Variants in CACNG1 observed in about 807,000 individuals in gnomAD.
The protein encoded by CACNG1 is calcium voltage-gated channel auxiliary subunit gamma 1, also known as voltage-dependent calcium channel gamma-1 subunit.
A neutral mutation model predicts 22.0 loss-of-function variants in CACNG1; 21 were observed. The ratio of observed to expected loss-of-function variants is 0.95; its 90% CI spans 0.68 to 1.37. The LOEUF is 1.37. CACNG1 is among the 40% of genes most tolerant of loss of function. CACNG1 has a pLI of 0.00. For missense variants in CACNG1, 291 were observed against 308.6 expected, an observed-to-expected ratio of 0.94 and a Z score of 0.43; for synonymous variants, 127 against 129.2, an observed-to-expected ratio of 0.98 and a Z score of 0.12.
chr17:67,044,677 T>C lies in CACNG1; in HGVS notation c.17T>C (p.Met6Thr). ...GCGACCACCATGTCCCAGACCAAAA[T>C]GCTGAAGGTCCGCGTGACCCTCTTC... MSQTK[M>T]LKVRVTLFCI... The change falls in exon 1 of 4, where the codon ATG (methionine) becomes ACG (threonine). Residue 6 changes from methionine to threonine, a missense_variant. Physicochemically the swap from Met to Thr is moderately conservative, Grantham distance 81. Coordinates refer to ENST00000226021, the MANE Select transcript of CACNG1 (RefSeq NM_000727.4). This position sits in a 1 kb window ranked among gnomAD's most constrained non-coding sequence, Gnocchi z 6.9. 9 of 1,607,066 alleles carry C rather than the reference T, an allele frequency of 5.6e-6. No individual in the cohort carries two copies. The highest frequency in any genetic ancestry group is 6.8e-6 in the Non-Finnish European group (8 of 1,179,818).
chr17:67,052,169 G>T (rs754257463), intron 1 of CACNG1, among the ~76,000 whole-genome samples: 8 of 152,198 alleles, frequency 5.3e-5, no homozygotes, highest in Non-Finnish European at 7.3e-5. Context: ...AGCACCGGAT[G>T]CCCAGAGAGA....
Position 67,055,331 on chromosome 17 carries a change from G to C in CACNG1, c.442+91G>C. On this transcript the variant is annotated intron_variant, in intron 3 of 3. Transcript: ENST00000226021. The surrounding 1 kb of genome is among the most constrained non-coding windows in gnomAD (Gnocchi z 4.5). ...ACCCTCATGCCCACCGCGAGATTTGGGTGAGGGGCATTTCCCAGGCTCCAT... is the reference window on the plus strand; with the variant it reads ...ACCCTCATGCCCACCGCGAGATTTGCGTGAGGGGCATTTCCCAGGCTCCAT... 1 of 1,432,338 alleles carries C rather than the reference G, an allele frequency of 7.0e-7. No homozygotes were observed. The highest frequency in any genetic ancestry group is 9.5e-7 in the Non-Finnish European group (1 of 1,056,300). The allele number at this position is 1,432,338 out of a possible 1,614,324, so 88.7% of individuals were successfully genotyped here. A position where few individuals can be genotyped will look rare whatever the true frequency, so the allele number is the denominator to read the frequency against.
Position 67,045,033 on chromosome 17 carries a change from T to C in CACNG1, c.229+144T>C, listed in dbSNP as rs113903405. 1.8e-3 allele frequency: 1,227 copies of C among 678,080 alleles called. 10 individuals carry two copies. In the African/African-American group the frequency reaches 0.018, roughly 10 times the overall value. 42.0% of individuals were successfully genotyped at this position (678,080 alleles called of 1,614,324 possible). A position where few individuals can be genotyped will look rare whatever the true frequency, so the allele number is the denominator to read the frequency against. ...AGCCTTTTCTGCCCAGGGAAGAAGA[T>C]ATGAATTGCATGTGTGGTGCTGGTG... On this transcript the variant is annotated intron_variant, in intron 1 of 3. Coordinates refer to ENST00000226021, the MANE Select transcript of CACNG1 (RefSeq NM_000727.4).
Position 67,056,187 on chromosome 17 carries a change from C to T in CACNG1, c.585C>T (p.Gly195=), listed in dbSNP as rs765030923. 38 of 1,613,780 alleles carry T rather than the reference C, an allele frequency of 2.4e-5. No homozygotes were observed. Among genetic ancestry groups the T allele is most frequent in the African/African-American group, 4.0e-5 (3 of 74,868 alleles). Residue 195 remains glycine (G), a synonymous_variant, in exon 4 of 4, where the codon GGC becomes GGT. Coordinates refer to ENST00000226021, the MANE Select transcript of CACNG1 (RefSeq NM_000727.4). This position sits in a 1 kb window ranked among gnomAD's most constrained non-coding sequence, Gnocchi z 4.3. ...CCGCCTTCATCCTCCTCTTTCTCGGCGGTCTCGCCCTCCTGCTGTTCTCCC... is the reference window on the plus strand; with the variant it reads ...CCGCCTTCATCCTCCTCTTTCTCGGTGGTCTCGCCCTCCTGCTGTTCTCCC... ...ACAAFILLFL[G]GLALLLFSLP... is the part of the protein sequence containing the mutation.
intron 1 of CACNG1, among the ~76,000 whole-genome samples, chr17:67,050,493 G>C (rs1033406852): frequency 2.0e-5 from 3 of 152,226 alleles, no homozygotes; most frequent in African/African-American, 7.2e-5. Context: ...GCAAGTTAGA[G>C]GCTTCCTTGC....
chr17:67,048,129 C>T (rs375172730), intron 1 of CACNG1, among the ~76,000 whole-genome samples: 12 of 152,164 alleles, frequency 7.9e-5, no homozygotes, highest in African/African-American at 2.6e-4. Flanking sequence ...GGGAACAAAT[C>T]TTCAAGAAGG....
At chr17:67,048,163 G>A (rs978335658) in intron 1 of CACNG1, among the ~76,000 whole-genome samples, 8 of 152,060 alleles carry the variant, frequency 5.3e-5, no homozygotes. Context: ...TTCCAGAGTT[G>A]CCACATTATA....
chr17:67,054,703 GAC>G lies in CACNG1; in HGVS notation c.305-394_305-393del, dbSNP rs1027899524. 6.6e-5 allele frequency among the ~76,000 whole-genome samples: 8 copies of G among 120,802 alleles called. No individual in the cohort carries two copies. Among genetic ancestry groups the G allele is most frequent in the African/African-American group, 2.2e-4 (8 of 35,714 alleles). The allele number at this position is 120,802 out of a possible 152,430, so 79.3% of individuals were successfully genotyped here. ...AGAGACACTGACACACACGCATGAT[GAC>G]ACACAAAATGACACACAGTGACACA... On this transcript the variant is annotated intron_variant, in intron 2 of 3. Transcript: ENST00000226021. This position sits in a 1 kb window ranked among gnomAD's most constrained non-coding sequence, Gnocchi z 4.6.
rs1015347910 is a variant in CACNG1 at position 67,055,922 on chromosome 17, G to T, written c.443-123G>T. 1.4e-6 allele frequency: 1 copy of T among 714,528 alleles called. No homozygotes were observed. The highest frequency in any genetic ancestry group is 1.8e-5 in the African/African-American group (1 of 56,658). 44.3% of individuals were successfully genotyped at this position (714,528 alleles called of 1,614,324 possible). A position where few individuals can be genotyped will look rare whatever the true frequency, so the allele number is the denominator to read the frequency against. On this transcript the variant is annotated intron_variant, in intron 3 of 3. Transcript: ENST00000226021. This position sits in a 1 kb window ranked among gnomAD's most constrained non-coding sequence, Gnocchi z 4.5. ...TTCTGCAGGTTCCCATCTAGAACCT[G>T]CCTTGAGGCAGCTTTTCCCCCAAGG...
Position 67,055,324 on chromosome 17 carries a change from A to G in CACNG1, c.442+84A>G. ...CCGCTCCACCCTCATGCCCACCGCG[A>G]GATTTGGGTGAGGGGCATTTCCCAG... On this transcript the variant is annotated intron_variant, in intron 3 of 3. Transcript: ENST00000226021. This position sits in a 1 kb window ranked among gnomAD's most constrained non-coding sequence, Gnocchi z 4.5. The G allele has an allele frequency of 2.0e-6, 3 of 1,469,228 alleles. No individual in the cohort carries two copies. The highest frequency in any genetic ancestry group is 2.8e-6 in the Non-Finnish European group (3 of 1,084,490). The allele number at this position is 1,469,228 out of a possible 1,614,324, so 91.0% of individuals were successfully genotyped here.
At chr17:67,046,206 T>C (rs919480959) in intron 1 of CACNG1, among the ~76,000 whole-genome samples, 16 of 152,150 alleles carry the variant, frequency 1.1e-4, no homozygotes, top group African/African-American at 3.1e-4. Flanking sequence ...CTCAGCAACG[T>C]GAGATCCCTT....
intron 1 of CACNG1, among the ~76,000 whole-genome samples, chr17:67,047,610 C>T (rs1022533729): frequency 3.9e-5 from 6 of 152,190 alleles, no homozygotes; most frequent in Non-Finnish European, 8.8e-5. Flanking sequence ...TGACCTGACT[C>T]TGAGCTCATC....
chr17:67,053,807 C>T (rs2035741878), intron 1 of CACNG1, among the ~76,000 whole-genome samples, 189 bp from the exon 2 acceptor site: 1 of 152,210 alleles, frequency 6.6e-6, no homozygotes, highest in Admixed American at 6.5e-5. Context: ...CAGGCAACCT[C>T]ATTATCCCAC....
Position 67,055,271 on chromosome 17 carries a change from G to T in CACNG1, c.442+31G>T. ...CTGGGGGATCTGCCTGAGCGCCGGG[G>T]CCGGGGGACCATGTCGCGGGGGATT... On this transcript the variant is annotated intron_variant, in intron 3 of 3. Coordinates refer to ENST00000226021, the MANE Select transcript of CACNG1 (RefSeq NM_000727.4). This position sits in a 1 kb window ranked among gnomAD's most constrained non-coding sequence, Gnocchi z 4.5. 6.3e-7 allele frequency: 1 copy of T among 1,599,590 alleles called. No individual in the cohort carries two copies. The highest frequency in any genetic ancestry group is 8.5e-7 in the Non-Finnish European group (1 of 1,169,890).
rs540758432 is a variant in CACNG1 at position 67,054,943 on chromosome 17, T to G, written c.305-160T>G. On this transcript the variant is annotated intron_variant, in intron 2 of 3. Coordinates refer to ENST00000226021, the MANE Select transcript of CACNG1 (RefSeq NM_000727.4). This position sits in a 1 kb window ranked among gnomAD's most constrained non-coding sequence, Gnocchi z 4.6. The stretch of plus-strand genomic sequence containing the variant: ...CACACACACAGATACACACATACAA[T>G]GACACACACAAGACAGACACAGAGA... 6.8e-6 allele frequency among the ~76,000 whole-genome samples: 1 copy of G among 146,770 alleles called. No individual in the cohort carries two copies. Among genetic ancestry groups the G allele is most frequent in the East Asian group, 2.0e-4 (1 of 4,914 alleles).
intron 1 of CACNG1, among the ~76,000 whole-genome samples, chr17:67,051,598 C>T (rs963194581): frequency 1.3e-5 from 2 of 152,200 alleles, no homozygotes; most frequent in Middle Eastern, 3.2e-3. Flanking sequence ...CCACTGGAGG[C>T]CCCCTCCCTC....
rs1349534957 is a variant in CACNG1, at chr17:67,054,484, C to A, written c.304+414C>A. Among the ~76,000 whole-genome samples, 20 of 152,126 alleles carry A rather than the reference C, an allele frequency of 1.3e-4. No individual in the cohort carries two copies. The highest frequency in any genetic ancestry group is 1.3e-3 in the Admixed American group (20 of 15,278). On this transcript the variant is annotated intron_variant, in intron 2 of 3. Coordinates refer to ENST00000226021, the MANE Select transcript of CACNG1 (RefSeq NM_000727.4). The surrounding 1 kb of genome is among the most constrained non-coding windows in gnomAD (Gnocchi z 4.6). ...TCCCTCCCTGAGTACCAGGAGGGTG[C>A]GGTGGGCTCTGGGAGCTTTTCAGGA...
At position 67,056,092 on chromosome 17, in the gene CACNG1, C is replaced by A. The variant is rs143055819; in HGVS notation, c.490C>A (p.Arg164Ser). ...SVEVMRQSVK[R>S]MIDSEDTVWI... is the part of the protein sequence containing the mutation. Reference sequence around the variant, plus strand: ...GGAGGTCATGCGGCAGTCGGTGAAGCGCATGATTGACAGTGAGGACACCGT... The same window carrying A: ...GGAGGTCATGCGGCAGTCGGTGAAGAGCATGATTGACAGTGAGGACACCGT... Residue 164 changes from arginine to serine, a missense_variant, in exon 4 of 4, where the codon CGC becomes AGC. Transcript: ENST00000226021. This position sits in a 1 kb window ranked among gnomAD's most constrained non-coding sequence, Gnocchi z 4.3. 1.0e-4 allele frequency: 167 copies of A among 1,613,372 alleles called. No individual in the cohort carries two copies. In the African/African-American group the frequency reaches 1.7e-3, roughly 16 times the overall value.
In CACNG1 at chr17:67,051,588, C is replaced by A. The variant is rs80251732; in HGVS notation, c.230-2408C>A. ...CTGTTACCCTGAGAAGGAATCCTACCCACTGGAGGCCCCCTCCCTCCATTT... is the reference window on the plus strand; with the variant it reads ...CTGTTACCCTGAGAAGGAATCCTACACACTGGAGGCCCCCTCCCTCCATTT... On this transcript the variant is annotated intron_variant, in intron 1 of 3. Coordinates refer to ENST00000226021, the MANE Select transcript of CACNG1 (RefSeq NM_000727.4). Among the ~76,000 whole-genome samples, 457 of 152,284 alleles carry A rather than the reference C, an allele frequency of 3.0e-3. 2 individuals carry two copies. The highest frequency in any genetic ancestry group is 0.01 in the African/African-American group (435 of 41,562).
Sources: gnomAD v4.1 joint callset for allele counts (sites outside exome capture counted in the v4.1 genomes callset) on GRCh38, gnomAD v4.1.1 for gene constraint, Gnocchi (gnomAD v3.1) non-coding constraint, MANE v1.5 for transcripts, NCBI Gene and HGNC (gene_info 2026-07-23, HGNC 2026-07-21) for gene names.